Variants in TRIM29 observed in about 807,000 individuals in gnomAD.
The protein encoded by TRIM29 is tripartite motif containing 29.
TRIM29 carries 52 observed loss-of-function variants against 57.3 expected under a neutral mutation model. The ratio of observed to expected loss-of-function variants is 0.91; its 90% CI spans 0.73 to 1.14. The LOEUF (loss-of-function observed/expected upper bound fraction) is 1.14. TRIM29 is among the 50% of genes most tolerant of loss of function. TRIM29 has a pLI of 0.00. For synonymous variants in TRIM29, 319 were observed against 316.9 expected, an observed-to-expected ratio of 1.01 and a Z score of -0.07; for missense variants, 753 against 774.6, an observed-to-expected ratio of 0.97 and a Z score of 0.33.
Position 120,120,221 on chromosome 11 carries a change from A to G in TRIM29, c.1528+352T>C, listed in dbSNP as rs538526444. Among the ~76,000 whole-genome samples, 8 of 151,630 alleles carry G rather than the reference A, an allele frequency of 5.3e-5. No individual in the cohort carries two copies. In the East Asian group the frequency reaches 1.6e-3, roughly 30 times the overall value. On this transcript the variant is annotated intron_variant, in intron 6 of 8. Transcript: ENST00000341846. ...ACTTAAGCCCAAGGTGGCTGCTCAG[A>G]CCCAGTTTTCCCCAGATCCTTCCTC...
intron 1 of TRIM29, among the ~76,000 whole-genome samples, chr11:120,134,509 C>G (rs962786012): frequency 6.6e-6 from 1 of 152,242 alleles, no homozygotes; most frequent in Admixed American, 6.5e-5. Context: ...ACTAACCCTG[C>G]TCTGTGCCAA....
chr11:120,127,313 G>A, intron 3 of TRIM29, 23 bp downstream of exon 3: 1 of 1,607,262 alleles, frequency 6.2e-7, no homozygotes, highest in South Asian at 1.1e-5. Context: ...GAGGGCTTGA[G>A]TGACAGAGGA....
intron 6 of TRIM29, 102 bp from the exon 7 acceptor site, chr11:120,118,423 C>G: frequency 1.2e-6 from 1 of 815,998 alleles, no homozygotes; most frequent in Non-Finnish European, 1.9e-6. Context: ...CCGCTGGCCA[C>G]AACTTAAGCC....
chr11:120,128,879 C>G, intron 1 of TRIM29: 1 of 1,460,096 alleles, frequency 6.8e-7, no homozygotes. Context: ...GGGGATCCAG[C>G]CCAGCTCAGC....
chr11:120,116,454 G>A (rs1162048681), intron 7 of TRIM29: 1 of 152,476 alleles, frequency 6.6e-6, no homozygotes, highest in African/African-American at 2.4e-5. Context: ...TCTCGGGAAA[G>A]CCCCTCTCCT....
chr11:120,137,931 T>C lies in TRIM29; in HGVS notation c.101A>G (p.Lys34Arg), dbSNP rs1347825111. The C allele has an allele frequency of 6.2e-7, 1 of 1,609,034 alleles. No individual in the cohort carries two copies. The highest frequency in any genetic ancestry group is 1.7e-5 in the Admixed American group (1 of 60,012). Reference sequence around the variant, plus strand: ...GGTCTTGGCATCCTTGCCGTCAGCCTTGGTGCCATTCTCCAGGCTGCCACT... The same window carrying C: ...GGTCTTGGCATCCTTGCCGTCAGCCCTGGTGCCATTCTCCAGGCTGCCACT... ...GPSGSLENGT[K>R]ADGKDAKTTN... Residue 34 changes from lysine to arginine, a missense_variant, in exon 1 of 9, where the codon AAG becomes AGG. Lys to Arg is a conservative substitution (Grantham distance 26). Coordinates refer to ENST00000341846, the MANE Select transcript of TRIM29 (RefSeq NM_012101.4). The surrounding 1 kb of genome is among the most constrained non-coding windows in gnomAD (Gnocchi z 6.2).
At chr11:120,129,069 G>A (rs555631809) in intron 1 of TRIM29, among the ~76,000 whole-genome samples, 57 of 152,316 alleles carry the variant, frequency 3.7e-4, no homozygotes, top group Non-Finnish European at 6.3e-4. Flanking sequence ...TTGGCAAGAC[G>A]GAGACTTTTA....
rs113236046 is a variant in TRIM29 at position 120,122,986 on chromosome 11, A to G, written c.1403T>C (p.Met468Thr). 53 of 1,614,034 alleles carry G rather than the reference A, an allele frequency of 3.3e-5. No homozygotes were observed. In the African/African-American group the frequency reaches 5.5e-4, roughly 17 times the overall value. ...FGGEWSAPDT[M>T]KRYSMYLTPK... Reference sequence around the variant, plus strand: ...TGTCAGGTACATGGAGTATCTCTTCATGGTGTCCGGTGCACTCCACTCACC... The same window carrying G: ...TGTCAGGTACATGGAGTATCTCTTCGTGGTGTCCGGTGCACTCCACTCACC... The change falls in exon 5 of 9, where the codon ATG becomes ACG. Residue 468 changes from methionine (M) to threonine (T), a missense_variant. Coordinates refer to ENST00000341846, the MANE Select transcript of TRIM29 (RefSeq NM_012101.4).
intron 1 of TRIM29, among the ~76,000 whole-genome samples, chr11:120,129,903 C>T (rs1177220282): frequency 6.6e-6 from 1 of 151,984 alleles, no homozygotes; most frequent in African/African-American, 2.4e-5. Flanking sequence ...AGCAAACGGC[C>T]GGAAATGCCA....
intron 1 of TRIM29, 46 bp from the exon 2 acceptor site, chr11:120,128,541 G>A (rs200436012): frequency 1.3e-6 from 2 of 1,585,844 alleles, no homozygotes; most frequent in Admixed American, 1.7e-5. Context: ...GGAGGAGATG[G>A]AAGAGAACCA....
chr11:120,118,365 T>C (rs1374929899), intron 6 of TRIM29, 44 bp from the exon 7 acceptor site: 1 of 1,513,168 alleles, frequency 6.6e-7, no homozygotes, highest in African/African-American at 1.4e-5. Flanking sequence ...CAGCTGGGAG[T>C]GGGAGAGGAG....
At chr11:120,125,611 C>T (rs1863567390) in intron 4 of TRIM29, 80 bp downstream of exon 4, 1 of 1,518,992 alleles carries the variant, frequency 6.6e-7, no homozygotes. Flanking sequence ...CACTGGAGGC[C>T]AGCCCATGTC....
At chr11:120,125,962 T>A in intron 3 of TRIM29, 73 bp from the exon 4 acceptor site, 1 of 1,468,770 alleles carries the variant, frequency 6.8e-7, no homozygotes, top group Non-Finnish European at 9.4e-7. Context: ...TGCCAGGGGC[T>A]CTCACAGTGC....
intron 1 of TRIM29, among the ~76,000 whole-genome samples, chr11:120,130,419 C>A (rs1362241452): frequency 6.6e-6 from 1 of 152,182 alleles, no homozygotes; most frequent in African/African-American, 2.4e-5. Flanking sequence ...AAACACAATC[C>A]CTCCCACCAT....
At chr11:120,112,541 C>T in intron 8 of TRIM29, 65 bp from the exon 9 acceptor site, 2 of 1,554,934 alleles carry the variant, frequency 1.3e-6, no homozygotes, top group Middle Eastern at 1.7e-4. Context: ...CTAGACCCAC[C>T]CTACCCTAAC....
At chr11:120,131,088 A>G (rs1361945021) in intron 1 of TRIM29, among the ~76,000 whole-genome samples, 2 of 152,240 alleles carry the variant, frequency 1.3e-5, no homozygotes, top group South Asian at 2.1e-4. Flanking sequence ...GGGTGGACTA[A>G]CCACCTGCAA....
At chr11:120,135,373 C>A (rs1041222863) in intron 1 of TRIM29, among the ~76,000 whole-genome samples, 14 of 152,128 alleles carry the variant, frequency 9.2e-5, no homozygotes, top group African/African-American at 1.2e-4. Context: ...AACAATCTAG[C>A]CTCACCCCTT....
Position 120,124,315 on chromosome 11 carries a change from T to G in TRIM29, c.1334-1260A>C, listed in dbSNP as rs973088069. On this transcript the variant is annotated intron_variant, in intron 4 of 8. Coordinates refer to ENST00000341846, the MANE Select transcript of TRIM29 (RefSeq NM_012101.4). ...GCCATCCCCCAGGCCTGGCCGGACC[T>G]CACCGGAGGGGCTGCCCTGCCGAGT... 2.0e-5 allele frequency: 3 copies of G among 152,370 alleles called. 1 individual carries two copies. The highest frequency in any genetic ancestry group is 2.4e-5 in the African/African-American group (1 of 41,524). The allele number at this position is 152,370 out of a possible 1,614,324, so 9.4% of individuals were successfully genotyped here.
intron 1 of TRIM29, among the ~76,000 whole-genome samples, chr11:120,136,374 A>G (rs1323259086): frequency 6.6e-6 from 1 of 152,248 alleles, no homozygotes; most frequent in Non-Finnish European, 1.5e-5. Flanking sequence ...ATTTTGTAAT[A>G]AAGTGTTGGA....
Sources: allele counts gnomAD v4.1 joint callset (sites outside exome capture counted in the v4.1 genomes callset), GRCh38; gene constraint gnomAD v4.1.1; non-coding constraint Gnocchi (gnomAD v3.1); transcripts MANE v1.5; gene names NCBI Gene and HGNC (gene_info 2026-07-23, HGNC 2026-07-21).